The following AUTS2 variants were observed in gnomAD, a reference collection of about 807,000 sequenced individuals.
AUTS2 encodes autism susceptibility gene 2 protein.
A neutral mutation model predicts 112.4 loss-of-function variants in AUTS2; 17 were observed. The ratio of observed to expected loss-of-function variants is 0.15; its 90% CI spans 0.10 to 0.23. The LOEUF (loss-of-function observed/expected upper bound fraction) is 0.23, where lower values mean the gene tolerates loss of function less well. Ranked by LOEUF, AUTS2 falls within the 10% of genes least tolerant of loss-of-function variation. The pLI is 1.00. For missense variants in AUTS2, 1,510 were observed against 1,701.6 expected, an observed-to-expected ratio of 0.89 and a Z score of 1.98; for synonymous variants, 751 against 702.7, an observed-to-expected ratio of 1.07 and a Z score of -1.09.
chr7:70,316,087 A>G (rs1164512486), intron 4 of AUTS2, among the ~76,000 whole-genome samples: 2 of 152,256 alleles, frequency 1.3e-5, no homozygotes, highest in Non-Finnish European at 2.9e-5. Context: ...TTAATGCAGT[A>G]TAAAATAAAG....
chr7:69,822,126 C>T (rs913082204), intron 1 of AUTS2, among the ~76,000 whole-genome samples: 2 of 151,926 alleles, frequency 1.3e-5, no homozygotes, highest in African/African-American at 4.8e-5. Flanking sequence ...CTTGAACTAG[C>T]AGAGTTCTAG....
intron 4 of AUTS2, among the ~76,000 whole-genome samples, chr7:70,178,671 G>T (rs1389154616): frequency 6.6e-6 from 1 of 152,060 alleles, no homozygotes; most frequent in East Asian, 1.9e-4. Flanking sequence ...GTGGTGGCAG[G>T]TGCCTGTAGT....
intron 4 of AUTS2, among the ~76,000 whole-genome samples, chr7:70,162,860 T>A (rs1254471058): frequency 6.6e-6 from 1 of 152,214 alleles, no homozygotes; most frequent in Non-Finnish European, 1.5e-5. Context: ...TATATGCTCT[T>A]TTATATTCTT....
At chr7:69,797,503 A>G (rs1231837396) in intron 1 of AUTS2, among the ~76,000 whole-genome samples, 1 of 152,166 alleles carries the variant, frequency 6.6e-6, no homozygotes, top group East Asian at 1.9e-4. Context: ...AATTCACATT[A>G]AAGAGAGTTT....
chr7:70,515,475 G>C (rs1048767170), intron 5 of AUTS2, among the ~76,000 whole-genome samples: 2 of 152,154 alleles, frequency 1.3e-5, no homozygotes, highest in African/African-American at 4.8e-5. Flanking sequence ...GATTCACAGA[G>C]TTCCTTTCCC....
At chr7:69,793,459 A>T (rs1028645954) in intron 1 of AUTS2, among the ~76,000 whole-genome samples, 1 of 152,186 alleles carries the variant, frequency 6.6e-6, no homozygotes, top group African/African-American at 2.4e-5. Context: ...GACAGTCCTG[A>T]CACAGAACTA....
intron 5 of AUTS2, among the ~76,000 whole-genome samples, chr7:70,440,597 C>T (rs1465259259): frequency 2.0e-5 from 3 of 152,060 alleles, no homozygotes; most frequent in East Asian, 3.9e-4. Flanking sequence ...AGAGGGTTTC[C>T]CCAGAATCTG....
At chr7:70,442,825 G>A (rs1796174415) in intron 5 of AUTS2, among the ~76,000 whole-genome samples, 1 of 152,096 alleles carries the variant, frequency 6.6e-6, no homozygotes. Context: ...TTTCCGTGAT[G>A]CCCATCTACT....
In AUTS2 at chr7:70,667,004, C is replaced by G. The variant is rs996063274; in HGVS notation, c.691-31565C>G. Among the ~76,000 whole-genome samples, 15 of 151,998 alleles carry G rather than the reference C, an allele frequency of 9.9e-5. No individual in the cohort carries two copies. The Middle Eastern group carries it at 0.031, about 312-fold the overall frequency. On this transcript the variant is annotated intron_variant, in intron 5 of 18. Transcript: ENST00000342771. ...AAAAAAAAAAAAAGTTTCCTTCCCC[C>G]CTCTTCTCTCTGCCTTTCCACAACA...
At chr7:70,343,681 G>T (rs532823597) in intron 4 of AUTS2, among the ~76,000 whole-genome samples, 8 of 152,304 alleles carry the variant, frequency 5.3e-5, no homozygotes, top group African/African-American at 1.7e-4. Context: ...ACAAGGGAGA[G>T]TCTTAAGGGG....
At chr7:69,985,881 G>A (rs1798492971) in intron 2 of AUTS2, among the ~76,000 whole-genome samples, 1 of 151,816 alleles carries the variant, frequency 6.6e-6, no homozygotes, top group Non-Finnish European at 1.5e-5. Context: ...TCGGCTTCCC[G>A]AGTAGCTAAG....
intron 4 of AUTS2, among the ~76,000 whole-genome samples, chr7:70,333,048 T>G (rs1269369094): frequency 6.6e-6 from 1 of 152,084 alleles, no homozygotes; most frequent in Non-Finnish European, 1.5e-5. Context: ...GGGAGAAAAT[T>G]TTTGCAATCT....
At chr7:70,127,897 A>AT (rs2129574311) in intron 3 of AUTS2, among the ~76,000 whole-genome samples, 2 of 152,032 alleles carry the variant, frequency 1.3e-5, no homozygotes, top group South Asian at 4.2e-4. Flanking sequence ...CCATGCCAGC[A>AT]TCTGTCCTAT....
At chr7:70,558,953 T>C (rs1394437594) in intron 5 of AUTS2, among the ~76,000 whole-genome samples, 1 of 152,240 alleles carries the variant, frequency 6.6e-6, no homozygotes, top group Non-Finnish European at 1.5e-5. Context: ...TGATATGGTT[T>C]GGCTCTCACC....
rs565904414 is a variant in AUTS2 at position 70,056,112 on chromosome 7, C to T, written c.523-62020C>T. ...TAGCGATTCTCCTGCCTCAGCCTCCCGAGTAGCTGGGATTACAGGCGTGCA... is the reference window on the plus strand; with the variant it reads ...TAGCGATTCTCCTGCCTCAGCCTCCTGAGTAGCTGGGATTACAGGCGTGCA... On this transcript the variant is annotated intron_variant, in intron 2 of 18. Transcript: ENST00000342771. Among the ~76,000 whole-genome samples, 5 of 152,130 alleles carry T rather than the reference C, an allele frequency of 3.3e-5. No individual in the cohort carries two copies. The East Asian group carries it at 7.8e-4, about 24-fold the overall frequency.
intron 1 of AUTS2, among the ~76,000 whole-genome samples, chr7:69,684,638 C>G (rs1796977223): frequency 6.6e-6 from 1 of 152,188 alleles, no homozygotes; most frequent in Non-Finnish European, 1.5e-5. Flanking sequence ...ATGTTAATGA[C>G]TGTTACAGCT....
intron 2 of AUTS2, among the ~76,000 whole-genome samples, chr7:69,977,475 T>C (rs1192739118): frequency 6.6e-6 from 1 of 152,202 alleles, no homozygotes; most frequent in Non-Finnish European, 1.5e-5. Flanking sequence ...TCTGCTAAAA[T>C]TGCCATTGGG....
chr7:70,244,843 G>C (rs1812810858), intron 4 of AUTS2, among the ~76,000 whole-genome samples: 1 of 152,048 alleles, frequency 6.6e-6, no homozygotes, highest in African/African-American at 2.4e-5. Context: ...AAGATGGCCG[G>C]GTGCGGCGGT....
intron 6 of AUTS2, among the ~76,000 whole-genome samples, chr7:70,732,275 G>A (rs924798532): frequency 6.6e-6 from 1 of 152,184 alleles, no homozygotes; most frequent in Non-Finnish European, 1.5e-5. Flanking sequence ...ATTGGTTCGT[G>A]CATCAGAATT....
Sources: allele counts gnomAD v4.1 joint callset (sites outside exome capture counted in the v4.1 genomes callset), GRCh38; gene constraint gnomAD v4.1.1; transcripts MANE v1.5; gene names NCBI Gene and HGNC (gene_info 2026-07-23, HGNC 2026-07-21).